PLA2G4A: variants seen among roughly 807,000 people sequenced by gnomAD.
PLA2G4A encodes cytosolic phospholipase A2.
Under a neutral mutation model 81.9 loss-of-function variants are expected in PLA2G4A, and 40 were observed. The observed-to-expected ratio is 0.49, with a 90% confidence interval of 0.38 to 0.64. The LOEUF (loss-of-function observed/expected upper bound fraction) is 0.64, where lower values mean the gene tolerates loss of function less well. Ranked by LOEUF, PLA2G4A falls within the 30% of genes least tolerant of loss-of-function variation. PLA2G4A has a pLI of 0.00. For missense variants in PLA2G4A, 715 were observed against 905.1 expected, an observed-to-expected ratio of 0.79 and a Z score of 2.69; for synonymous variants, 302 against 296.9, an observed-to-expected ratio of 1.02 and a Z score of -0.18.
rs186448470 is a variant in PLA2G4A, at chr1:186,832,019, T to A, written c.-70+2984T>A. Among the ~76,000 whole-genome samples the A allele has an allele frequency of 1.9e-3, 289 of 152,204 alleles. 4 individuals are homozygous for A. The highest frequency in any genetic ancestry group is 6.8e-3 in the African/African-American group (284 of 41,558). The stretch of plus-strand genomic sequence containing the variant: ...TTAACAAATATTATTAAGTCCCTAC[T>A]GTGTGTAATGCAAGTAATGGCAATC... On this transcript the variant is annotated intron_variant, in intron 1 of 17. Transcript: ENST00000367466.
At chr1:186,831,244 T>A (rs751245828) in intron 1 of PLA2G4A, among the ~76,000 whole-genome samples, 2 of 151,960 alleles carry the variant, frequency 1.3e-5, no homozygotes, top group Non-Finnish European at 2.9e-5. Flanking sequence ...AACTTTGGAG[T>A]TTTCTGATAA....
At chr1:186,904,713 G>A (rs1193105361) in intron 5 of PLA2G4A, among the ~76,000 whole-genome samples, 1 of 152,178 alleles carries the variant, frequency 6.6e-6, no homozygotes, top group East Asian at 1.9e-4. Context: ...CTCCATCCAG[G>A]ATCATGAATG....
At chr1:186,915,329 A>G (rs1207800796) in intron 7 of PLA2G4A, among the ~76,000 whole-genome samples, 1 of 152,180 alleles carries the variant, frequency 6.6e-6, no homozygotes, top group Admixed American at 6.5e-5. Context: ...CCGGGCCAGA[A>G]TAGTCAAGGC....
In PLA2G4A at chr1:186,918,755, C is replaced by T. The variant is rs556560195; in HGVS notation, c.558+7366C>T. Among the ~76,000 whole-genome samples, 18 of 152,342 alleles carry T rather than the reference C, an allele frequency of 1.2e-4. No individual in the cohort carries two copies. In the East Asian group the frequency reaches 3.3e-3, roughly 28 times the overall value. ...GTGGTGGGATTTAGGGTGTTACAGACTTCAATAGTTATGTGGGGATTTTCA... is the reference window on the plus strand; with the variant it reads ...GTGGTGGGATTTAGGGTGTTACAGATTTCAATAGTTATGTGGGGATTTTCA... On this transcript the variant is annotated intron_variant, in intron 7 of 17. Coordinates refer to ENST00000367466, the MANE Select transcript of PLA2G4A (RefSeq NM_024420.3).
chr1:186,966,500 G>A (rs1024721929), intron 15 of PLA2G4A, among the ~76,000 whole-genome samples: 5 of 152,092 alleles, frequency 3.3e-5, no homozygotes, highest in African/African-American at 4.8e-5. Flanking sequence ...TGATGACTTC[G>A]AAGTTTTATA....
intron 13 of PLA2G4A, among the ~76,000 whole-genome samples, chr1:186,955,619 A>C (rs888192589): frequency 6.6e-6 from 1 of 152,166 alleles, no homozygotes; most frequent in African/African-American, 2.4e-5. Flanking sequence ...GAGAACTAAG[A>C]ACAAATTAAG....
intron 1 of PLA2G4A, among the ~76,000 whole-genome samples, chr1:186,836,168 C>G (rs1651768907): frequency 6.6e-6 from 1 of 151,294 alleles, no homozygotes; most frequent in Non-Finnish European, 1.5e-5. Context: ...TATTAATAAG[C>G]TATTTATATG....
In PLA2G4A at chr1:186,830,543, G is replaced by A. The variant is rs1244994470; in HGVS notation, c.-70+1508G>A. Among the ~76,000 whole-genome samples the A allele has an allele frequency of 4.1e-5, 6 of 147,640 alleles. No individual in the cohort carries two copies. The South Asian group carries it at 6.4e-4, about 16-fold the overall frequency. The stretch of plus-strand genomic sequence containing the variant: ...GAATCGCTTGAACCCAGGAGGTGGA[G>A]GTTGCAGTGAGCCAAGATCGCGCCA... On this transcript the variant is annotated intron_variant, in intron 1 of 17. Coordinates refer to ENST00000367466, the MANE Select transcript of PLA2G4A (RefSeq NM_024420.3).
chr1:186,948,014 T>G (rs750896635), intron 12 of PLA2G4A, among the ~76,000 whole-genome samples: 3 of 152,196 alleles, frequency 2.0e-5, no homozygotes, highest in African/African-American at 7.2e-5. Flanking sequence ...AATACAATTG[T>G]AACATTAATT....
At chr1:186,897,319 T>A (rs894126798) in intron 5 of PLA2G4A, among the ~76,000 whole-genome samples, 1 of 152,076 alleles carries the variant, frequency 6.6e-6, no homozygotes, top group African/African-American at 2.4e-5. Flanking sequence ...ATTGAGAGAA[T>A]GGACCCTCGT....
chr1:186,948,246 A>G (rs1656410341), intron 12 of PLA2G4A, among the ~76,000 whole-genome samples: 1 of 152,162 alleles, frequency 6.6e-6, no homozygotes, highest in South Asian at 2.1e-4. Context: ...ATAAAAACAA[A>G]CACACAAATA....
chr1:186,936,223 G>A (rs1208605082), intron 8 of PLA2G4A, among the ~76,000 whole-genome samples: 2 of 151,938 alleles, frequency 1.3e-5, no homozygotes, highest in Admixed American at 1.3e-4. Context: ...GAATTTGAGA[G>A]TGAGAATTTT....
In PLA2G4A at chr1:186,870,695, C is replaced by T. The variant is rs183081302; in HGVS notation, c.115+179C>T. Reference sequence around the variant, plus strand: ...TGCTATCTGTCAGATTAGCATTTTACCTGGGCCTTAAATTAGCCAAAGTGA... The same window carrying T: ...TGCTATCTGTCAGATTAGCATTTTATCTGGGCCTTAAATTAGCCAAAGTGA... On this transcript the variant is annotated intron_variant, in intron 3 of 17. Transcript: ENST00000367466. The T allele has an allele frequency of 1.0e-4, 152 of 1,449,788 alleles. No individual in the cohort carries two copies. In the East Asian group the frequency reaches 4.1e-3, roughly 39 times the overall value. 89.8% of individuals were successfully genotyped at this position (1,449,788 alleles called of 1,614,324 possible). A position where few individuals can be genotyped will look rare whatever the true frequency, so the allele number is the denominator to read the frequency against.
chr1:186,982,671 T>TTGTGTGTGTGTG (rs60587210), intron 17 of PLA2G4A, among the ~76,000 whole-genome samples: 2 of 150,782 alleles, frequency 1.3e-5, no homozygotes, highest in African/African-American at 4.9e-5. Flanking sequence ...TAACTCCTCT[T>TTGTGTGTGTGTG]TGTGTGTGTG....
At chr1:186,876,157 T>G (rs531255393) in intron 3 of PLA2G4A, among the ~76,000 whole-genome samples, 1 of 152,226 alleles carries the variant, frequency 6.6e-6, no homozygotes, top group African/African-American at 2.4e-5. Context: ...CCTTGTAATG[T>G]GAGGGATGCA....
intron 1 of PLA2G4A, among the ~76,000 whole-genome samples, chr1:186,834,931 T>A (rs1001911929): frequency 3.3e-5 from 5 of 152,136 alleles, no homozygotes; most frequent in African/African-American, 9.7e-5. Flanking sequence ...GACAAAATAA[T>A]TATTATTTTA....
In PLA2G4A at chr1:186,979,320, C is replaced by T. The variant is rs770248313; in HGVS notation, c.1966C>T (p.Pro656Ser). 5.6e-6 allele frequency: 9 copies of T among 1,610,568 alleles called. No individual in the cohort carries two copies. Among genetic ancestry groups the T allele is most frequent in the Middle Eastern group, 1.6e-4 (1 of 6,078 alleles). ...GTGACTCTTCTGGTATTTAGGTGTT[C>T]CAAGGGAAACTGAGGAAGAGAAAGA... ...NFRKYRAPGV[P>S]RETEEEKEIA... Residue 656 changes from proline to serine, a missense_variant, in exon 17 of 18, where the codon CCA becomes TCA. Pro to Ser is a moderately conservative substitution (Grantham distance 74). Coordinates refer to ENST00000367466, the MANE Select transcript of PLA2G4A (RefSeq NM_024420.3).
intron 3 of PLA2G4A, among the ~76,000 whole-genome samples, chr1:186,887,096 C>G (rs16826066): frequency 0.08 from 12,131 of 152,136 alleles, 643 homozygotes; most frequent in African/African-American, 0.14. Context: ...TGGGGAAACA[C>G]TGTTTTAAGC....
Position 186,988,685 on chromosome 1 carries a change from T to A in PLA2G4A, c.*177T>A. ...TACTATTATAAGTTAGGTTGACAAA[T>A]GATGTTGATTATGTAAGGATATACT... is the stretch of plus-strand genomic sequence containing the variant. On this transcript the variant is annotated 3_prime_UTR_variant, in exon 18 of 18. Coordinates refer to ENST00000367466, the MANE Select transcript of PLA2G4A (RefSeq NM_024420.3). 1.8e-6 allele frequency: 1 copy of A among 546,118 alleles called. No homozygotes were observed. The highest frequency in any genetic ancestry group is 3.4e-6 in the Non-Finnish European group (1 of 295,970). The allele number at this position is 546,118 out of a possible 1,614,324, so 33.8% of individuals were successfully genotyped here. A position where few individuals can be genotyped will look rare whatever the true frequency, so the allele number is the denominator to read the frequency against.
Sources: gnomAD v4.1 joint callset for allele counts (sites outside exome capture counted in the v4.1 genomes callset) on GRCh38, gnomAD v4.1.1 for gene constraint, MANE v1.5 for transcripts, NCBI Gene and HGNC (gene_info 2026-07-23, HGNC 2026-07-21) for gene names.